GUCA1C: variants seen among roughly 807,000 people sequenced by gnomAD.
GUCA1C encodes guanylyl cyclase-activating protein 3.
Under a neutral mutation model 16.2 loss-of-function variants are expected in GUCA1C, and 15 were observed. The ratio of observed to expected loss-of-function variants is 0.93; its 90% confidence interval spans 0.62 to 1.43. GUCA1C has a LOEUF of 1.43. Among genes scored for constraint, GUCA1C ranks in the 40% most tolerant of loss-of-function variants. GUCA1C has a pLI of 0.00. For synonymous variants in GUCA1C, 78 were observed against 85.4 expected (o/e 0.91, Z 0.48); for missense variants, 275 against 244.8 (o/e 1.12, Z -0.82).
At chr3:108,919,022 CTT>C (rs1038109323) in intron 2 of GUCA1C, among the ~76,000 whole-genome samples, 3 of 152,132 alleles carry the variant, frequency 2.0e-5, no homozygotes, top group African/African-American at 7.2e-5. Context: ...CTTTTAGCCT[CTT>C]GACGCAGATT....
chr3:108,949,674 T>C (rs1198804422), intron 1 of GUCA1C, among the ~76,000 whole-genome samples: 5 of 152,212 alleles, frequency 3.3e-5, no homozygotes, highest in Admixed American at 6.5e-5. Flanking sequence ...GTTGAATGTA[T>C]TCATCTATTC....
At chr3:108,943,236 GT>G (rs915616538) in intron 1 of GUCA1C, among the ~76,000 whole-genome samples, 41 of 152,162 alleles carry the variant, frequency 2.7e-4, no homozygotes, top group African/African-American at 8.7e-4. Context: ...TCGAGGGGGA[GT>G]GGGGGCGCTG....
rs775107558 is a variant in GUCA1C at position 108,908,132 on chromosome 3, C to T, written c.520G>A (p.Asp174Asn). The change falls in exon 4 of 4, where the codon GAC becomes AAC. Residue 174 changes from aspartate to asparagine, a missense_variant. Asp to Asn is a conservative substitution (Grantham distance 23, BLOSUM62 1). Coordinates refer to ENST00000261047, the MANE Select transcript of GUCA1C (RefSeq NM_005459.4). ...DLLEIVYKSF[D>N]FSNVLRVICN... is the part of the protein sequence containing the mutation. Reference sequence around the variant, plus strand: ...ATTACTCTCAGCACATTGGAGAAGTCGAAGCTCTTGTAAACAATCTCCAGG... The same window carrying T: ...ATTACTCTCAGCACATTGGAGAAGTTGAAGCTCTTGTAAACAATCTCCAGG... 8 of 1,613,656 alleles carry T rather than the reference C, an allele frequency of 5.0e-6. No homozygotes were observed. The highest frequency in any genetic ancestry group is 1.7e-5 in the Admixed American group (1 of 60,012).
intron 1 of GUCA1C, among the ~76,000 whole-genome samples, chr3:108,940,688 G>C (rs1204617514): frequency 6.6e-6 from 1 of 152,228 alleles, no homozygotes; most frequent in African/African-American, 2.4e-5. Context: ...GGAAATACAA[G>C]CTTGATAAGA....
chr3:108,916,242 T>C, intron 2 of GUCA1C, 28 bp from the exon 3 acceptor site: 2 of 1,597,094 alleles, frequency 1.3e-6, no homozygotes, highest in Non-Finnish European at 1.7e-6. Flanking sequence ...ATGAAAGAGG[T>C]CAACTTTTCT....
At chr3:108,951,195 A>T (rs1946893034) in intron 1 of GUCA1C, among the ~76,000 whole-genome samples, 1 of 152,120 alleles carries the variant, frequency 6.6e-6, no homozygotes, top group Non-Finnish European at 1.5e-5. Context: ...TGTAGGAGGA[A>T]CAAGTCTGGA....
intron 1 of GUCA1C, among the ~76,000 whole-genome samples, chr3:108,952,498 T>C (rs1304959955): frequency 2.6e-5 from 4 of 152,190 alleles, no homozygotes; most frequent in Non-Finnish European, 4.4e-5. Flanking sequence ...GTTCCTGACA[T>C]TGCTACAAGG....
At chr3:108,923,182 T>G (rs1391016778) in intron 1 of GUCA1C, among the ~76,000 whole-genome samples, 1 of 152,168 alleles carries the variant, frequency 6.6e-6, no homozygotes, top group Non-Finnish European at 1.5e-5. Flanking sequence ...TTGATTCCTA[T>G]GTATTTATTT....
chr3:108,929,700 C>G (rs930138280), intron 1 of GUCA1C, among the ~76,000 whole-genome samples: 1 of 152,042 alleles, frequency 6.6e-6, no homozygotes. Context: ...TGAATCCTCA[C>G]CACTGAACTT....
intron 1 of GUCA1C, among the ~76,000 whole-genome samples, chr3:108,948,627 T>G (rs1946867349): frequency 6.6e-6 from 1 of 152,224 alleles, no homozygotes; most frequent in Admixed American, 6.5e-5. Context: ...TAATTTCCTC[T>G]CAGAATTTTG....
intron 1 of GUCA1C, among the ~76,000 whole-genome samples, chr3:108,926,781 G>GTT (rs34081494): frequency 4.6e-4 from 67 of 144,312 alleles, no homozygotes; most frequent in Admixed American, 1.5e-3. Context: ...TGCCCGGCCT[G>GTT]TTTTTTTTTT....
At chr3:108,911,142 G>T (rs1946449159) in intron 3 of GUCA1C, among the ~76,000 whole-genome samples, 1 of 152,170 alleles carries the variant, frequency 6.6e-6, no homozygotes. Flanking sequence ...AATTTCAGGA[G>T]TTTCATTAGT....
In GUCA1C at chr3:108,942,424, C is replaced by T. The variant is rs973317081; in HGVS notation, c.204+11135G>A. ...ACACAGTCAGTCCTGCTTATACTGTCTTGCTTTATTCATTGGTTATATAAT... is the reference window on the plus strand; with the variant it reads ...ACACAGTCAGTCCTGCTTATACTGTTTTGCTTTATTCATTGGTTATATAAT... On this transcript the variant is annotated intron_variant, in intron 1 of 3. Coordinates refer to ENST00000261047, the MANE Select transcript of GUCA1C (RefSeq NM_005459.4). Among the ~76,000 whole-genome samples the T allele has an allele frequency of 2.0e-5, 3 of 152,196 alleles. No homozygotes were observed. The East Asian group carries it at 5.8e-4, about 29-fold the overall frequency.
At chr3:108,928,419 C>A (rs1304733307) in intron 1 of GUCA1C, among the ~76,000 whole-genome samples, 1 of 152,154 alleles carries the variant, frequency 6.6e-6, no homozygotes, top group African/African-American at 2.4e-5. Flanking sequence ...CTGACAATGT[C>A]TTTTGCAGAG....
At chr3:108,917,319 T>G (rs1946527852) in intron 2 of GUCA1C, among the ~76,000 whole-genome samples, 1 of 152,094 alleles carries the variant, frequency 6.6e-6, no homozygotes, top group Non-Finnish European at 1.5e-5. Context: ...AGATCTTGAT[T>G]TGTTCATCAC....
At chr3:108,931,677 T>C (rs993161855) in intron 1 of GUCA1C, among the ~76,000 whole-genome samples, 1 of 152,114 alleles carries the variant, frequency 6.6e-6, no homozygotes, top group African/African-American at 2.4e-5. Flanking sequence ...ACATACTTAT[T>C]CTATGAATCA....
At chr3:108,953,213 A>C (rs1382624900) in intron 1 of GUCA1C, among the ~76,000 whole-genome samples, 1 of 152,230 alleles carries the variant, frequency 6.6e-6, no homozygotes, top group Non-Finnish European at 1.5e-5. Flanking sequence ...TCACCAATGC[A>C]TTAAATACTT....
intron 1 of GUCA1C, among the ~76,000 whole-genome samples, chr3:108,922,780 A>C (rs2922139): frequency 6.6e-6 from 1 of 151,856 alleles, no homozygotes; most frequent in Non-Finnish European, 1.5e-5. Flanking sequence ...CCATCAACCC[A>C]TCATCTACAT....
At chr3:108,910,123 G>A (rs1211324785) in intron 3 of GUCA1C, among the ~76,000 whole-genome samples, 1 of 152,084 alleles carries the variant, frequency 6.6e-6, no homozygotes, top group Non-Finnish European at 1.5e-5. Flanking sequence ...GTGGATTTAC[G>A]CCCCAACAAA....
Sources: gnomAD v4.1 joint callset for allele counts (sites outside exome capture counted in the v4.1 genomes callset) on GRCh38, gnomAD v4.1.1 for gene constraint, MANE v1.5 for transcripts, NCBI Gene and HGNC (gene_info 2026-07-23, HGNC 2026-07-21) for gene names.